Variants in COL4A5 observed in about 807,000 individuals in gnomAD.
COL4A5 encodes collagen alpha-5(IV) chain.
Under a neutral mutation model 130.2 loss-of-function variants are expected in COL4A5, and 26 were observed. The ratio of observed to expected loss-of-function variants is 0.20; its 90% CI spans 0.15 to 0.28. The LOEUF (loss-of-function observed/expected upper bound fraction) is 0.28. COL4A5 is among the 10% of genes least tolerant of loss of function. The pLI is 1.00. For missense variants in COL4A5, 1,131 were observed against 1,344.3 expected (o/e 0.84, Z 2.48); for synonymous variants, 496 against 439.6 (o/e 1.13, Z -1.60).
chrX:108,691,040 T>C (rs1173268029), intron 49 of COL4A5, among the ~76,000 whole-genome samples: 3 of 111,219 alleles, frequency 2.7e-5, no homozygotes, highest in Non-Finnish European at 5.7e-5. Flanking sequence ...AGTCATTATC[T>C]TAAGTGAAAT....
At position 108,687,095 on chromosome X, in the gene COL4A5, T is replaced by G. The variant is rs1418786645; in HGVS notation, c.4316-387T>G. On this transcript the variant is annotated intron_variant, in intron 48 of 52. Transcript: ENST00000328300. ...GCATTTTGAAAATACTTCTTTAGAA[T>G]GCCCTGCCTGTTCTCTACACAAAAA... is the stretch of plus-strand genomic sequence containing the variant. Among the ~76,000 whole-genome samples, 6 of 112,512 alleles carry G rather than the reference T, an allele frequency of 5.3e-5. No individual in the cohort carries two copies. The East Asian group carries it at 1.7e-3, about 32-fold the overall frequency.
chrX:108,589,349 T>C (rs1036957234), intron 19 of COL4A5, among the ~76,000 whole-genome samples: 4 of 110,759 alleles, frequency 3.6e-5, no homozygotes, highest in Admixed American at 9.6e-5. Context: ...AAGTCTCATA[T>C]ATAGTATAAG....
At chrX:108,480,906 G>A (rs2064882897) in intron 1 of COL4A5, among the ~76,000 whole-genome samples, 1 of 112,218 alleles carries the variant, frequency 8.9e-6, no homozygotes. Flanking sequence ...ATACGATATT[G>A]TTGTTGACTT....
At chrX:108,588,604 A>G (rs2066376250) in intron 19 of COL4A5, among the ~76,000 whole-genome samples, 1 of 111,048 alleles carries the variant, frequency 9.0e-6, no homozygotes, top group Non-Finnish European at 1.9e-5. Flanking sequence ...TTGAAAAAAA[A>G]TAATGGCTGA....
chrX:108,670,285 T>C (rs967159964), intron 42 of COL4A5, 49 bp downstream of exon 42: 14 of 1,206,521 alleles, frequency 1.2e-5, no homozygotes, highest in Admixed American at 2.2e-5. Context: ...TTGAAACTTA[T>C]ATACCTGTAC....
At chrX:108,473,633 A>ATATATATATATATATATATATATTTTT in intron 1 of COL4A5, among the ~76,000 whole-genome samples, 1 of 34,563 alleles carries the variant, frequency 2.9e-5, no homozygotes, top group Non-Finnish European at 6.0e-5. Flanking sequence ...ATATATATAT[A>ATATATATATATATATATATATATTTTT]TTTTTTTTTT....
At chrX:108,478,665 G>T (rs1215975111) in intron 1 of COL4A5, among the ~76,000 whole-genome samples, 3 of 111,869 alleles carry the variant, frequency 2.7e-5, no homozygotes, top group African/African-American at 9.8e-5. Context: ...ATGACCATGA[G>T]CCCACTGCCA....
intron 36 of COL4A5, among the ~76,000 whole-genome samples, chrX:108,630,749 G>C (rs1489683741): frequency 9.0e-6 from 1 of 111,680 alleles, no homozygotes; most frequent in Non-Finnish European, 1.9e-5. Context: ...GTCCTGAATG[G>C]TATTGCCTAA....
chrX:108,543,515 G>C (rs1421932999), intron 2 of COL4A5, among the ~76,000 whole-genome samples: 1 of 111,376 alleles, frequency 9.0e-6, no homozygotes, highest in East Asian at 2.8e-4. Context: ...CTGTAGCCTT[G>C]TAGTATAGTT....
At chrX:108,440,700 T>A (rs1290092910) in intron 1 of COL4A5, among the ~76,000 whole-genome samples, 3 of 111,761 alleles carry the variant, frequency 2.7e-5, no homozygotes, top group African/African-American at 9.8e-5. Flanking sequence ...TGCTCTTTCC[T>A]TAAGCAACAG....
At chrX:108,547,525 G>T (rs2065679340) in intron 2 of COL4A5, among the ~76,000 whole-genome samples, 1 of 111,886 alleles carries the variant, frequency 8.9e-6, no homozygotes, top group Non-Finnish European at 1.9e-5. Context: ...CCCTACTGGG[G>T]GTTGCGTCCC....
intron 1 of COL4A5, among the ~76,000 whole-genome samples, chrX:108,466,916 T>G (rs1308222887): frequency 8.9e-6 from 1 of 112,402 alleles, no homozygotes; most frequent in African/African-American, 3.2e-5. Context: ...GAGTTATTTA[T>G]ACATTCTGAA....
intron 36 of COL4A5, among the ~76,000 whole-genome samples, chrX:108,643,452 G>C (rs1371668460): frequency 9.0e-6 from 1 of 111,353 alleles, no homozygotes; most frequent in Non-Finnish European, 1.9e-5. Context: ...AGAATCTTAA[G>C]AGCTGTGAGG....
chrX:108,448,684 TTAGA>T (rs964533594), intron 1 of COL4A5, among the ~76,000 whole-genome samples: 2 of 112,396 alleles, frequency 1.8e-5, no homozygotes, highest in African/African-American at 6.5e-5. Flanking sequence ...TCTGTTTATA[TTAGA>T]TAGGTTGTTT....
chrX:108,517,195 T>C (rs2065228305), intron 1 of COL4A5, among the ~76,000 whole-genome samples: 1 of 111,600 alleles, frequency 9.0e-6, no homozygotes, highest in Non-Finnish European at 1.9e-5. Context: ...ATTTTATTTT[T>C]GAAAATATAC....
chrX:108,446,047 T>C (rs1368442266), intron 1 of COL4A5, among the ~76,000 whole-genome samples: 3 of 111,719 alleles, frequency 2.7e-5, no homozygotes, highest in African/African-American at 9.7e-5. Flanking sequence ...CACGAAACTC[T>C]AAGCACAATT....
chrX:108,627,239 A>T (rs1481636594), intron 36 of COL4A5: 1 of 594,719 alleles, frequency 1.7e-6, no homozygotes, highest in African/African-American at 2.5e-5. Context: ...TGAATATATG[A>T]TTTTATTAAA....
chrX:108,679,110 T>A (rs1029547471), intron 44 of COL4A5, among the ~76,000 whole-genome samples: 9 of 112,414 alleles, frequency 8.0e-5, no homozygotes, highest in Non-Finnish European at 1.5e-4. Flanking sequence ...ATGATGTCTA[T>A]CTGCTTCTCA....
intron 2 of COL4A5, among the ~76,000 whole-genome samples, chrX:108,552,224 A>G (rs969236494): frequency 1.8e-5 from 2 of 111,984 alleles, no homozygotes; most frequent in Non-Finnish European, 3.8e-5. Flanking sequence ...AAAAAATGTT[A>G]TACAAATGGA....
Sources: gnomAD v4.1 joint callset for allele counts (sites outside exome capture counted in the v4.1 genomes callset) on GRCh38, gnomAD v4.1.1 for gene constraint, MANE v1.5 for transcripts, NCBI Gene and HGNC (gene_info 2026-07-23, HGNC 2026-07-21) for gene names.